CSTA: variants seen among roughly 807,000 people sequenced by gnomAD.
CSTA encodes cystatin-A.
A neutral mutation model predicts 9.2 loss-of-function variants in CSTA; 9 were observed. The observed-to-expected ratio is 0.97, with a 90% CI of 0.59 to 1.70. The LOEUF (loss-of-function observed/expected upper bound fraction) is 1.70, where lower values mean the gene tolerates loss of function less well. Ranked by LOEUF, CSTA falls within the 40% of genes most tolerant of loss-of-function variation. The pLI, the probability that CSTA is intolerant of heterozygous loss-of-function variation, is 0.00. For missense variants in CSTA, 118 were observed against 113.1 expected (o/e 1.04, Z -0.20); for synonymous variants, 36 against 40.6 (o/e 0.89, Z 0.43).
rs779750732 is a variant in CSTA, at chr3:122,325,275, A to G, written c.-18A>G. ...TTTGGTTCCAGCATCCTGTCCAGCAAAGAAGCAATCAGCCAAAATGATACC... is the reference window on the plus strand; with the variant it reads ...TTTGGTTCCAGCATCCTGTCCAGCAGAGAAGCAATCAGCCAAAATGATACC... On this transcript the variant is annotated 5_prime_UTR_variant, in exon 1 of 3. Transcript: ENST00000264474. 6.2e-7 allele frequency: 1 copy of G among 1,613,894 alleles called. No individual in the cohort carries two copies. Among genetic ancestry groups the G allele is most frequent in the Non-Finnish European group, 8.5e-7 (1 of 1,179,804 alleles).
chr3:122,328,754 A>T (rs2075184883), intron 1 of CSTA, among the ~76,000 whole-genome samples: 1 of 151,494 alleles, frequency 6.6e-6, no homozygotes, highest in South Asian at 2.1e-4. Flanking sequence ...TGGCCAACAT[A>T]GCTTTCTACT....
At chr3:122,329,073 C>G (rs1243390503) in intron 1 of CSTA, among the ~76,000 whole-genome samples, 1 of 151,480 alleles carries the variant, frequency 6.6e-6, no homozygotes, top group East Asian at 2.0e-4. Context: ...TCACGCCATT[C>G]TCCTGCCTCA....
chr3:122,329,132 AT>A, intron 1 of CSTA, among the ~76,000 whole-genome samples: 1 of 151,118 alleles, frequency 6.6e-6, no homozygotes, highest in Non-Finnish European at 1.5e-5. Context: ...TGCCTGGCTA[AT>A]TTTTTGTATT....
At chr3:122,339,779 G>T (rs991973415) in intron 2 of CSTA, among the ~76,000 whole-genome samples, 1 of 152,172 alleles carries the variant, frequency 6.6e-6, no homozygotes, top group Admixed American at 6.5e-5. Flanking sequence ...CACTTGAGCC[G>T]AGGAGTTTGA....
intron 1 of CSTA, among the ~76,000 whole-genome samples, chr3:122,332,246 A>G (rs1264940820): frequency 1.3e-5 from 2 of 151,992 alleles, no homozygotes; most frequent in East Asian, 1.9e-4. Flanking sequence ...CCTAGACTCT[A>G]TTCTCCTCTC....
At chr3:122,340,745 C>T (rs547882614) in intron 2 of CSTA, among the ~76,000 whole-genome samples, 3 of 152,286 alleles carry the variant, frequency 2.0e-5, no homozygotes, top group Admixed American at 1.3e-4. Flanking sequence ...TTTTCTTCTC[C>T]CTTATCAGAC....
chr3:122,337,815 G>A (rs2075244090), intron 2 of CSTA, 167 bp downstream of exon 2: 1 of 657,894 alleles, frequency 1.5e-6, no homozygotes, highest in Non-Finnish European at 2.8e-6. Context: ...TAGATGATGT[G>A]ACACCATTTT....
At chr3:122,333,171 C>T (rs972145659) in intron 1 of CSTA, among the ~76,000 whole-genome samples, 8 of 152,028 alleles carry the variant, frequency 5.3e-5, no homozygotes, top group Non-Finnish European at 5.9e-5. Context: ...TACACAGATA[C>T]GATGGAAAAG....
At chr3:122,340,373 C>T (rs181438044) in intron 2 of CSTA, among the ~76,000 whole-genome samples, 222 of 152,160 alleles carry the variant, frequency 1.5e-3, no homozygotes, top group Non-Finnish European at 2.5e-3. Flanking sequence ...GGCACAATCT[C>T]GGCTCTCTGC....
intron 2 of CSTA, among the ~76,000 whole-genome samples, chr3:122,340,300 C>G (rs1337320754): frequency 1.3e-5 from 2 of 149,468 alleles, no homozygotes; most frequent in Non-Finnish European, 3.0e-5. Context: ...AACCCCTTAG[C>G]TTTTTTTTTT....
At chr3:122,330,502 A>G (rs2075198096) in intron 1 of CSTA, among the ~76,000 whole-genome samples, 1 of 152,250 alleles carries the variant, frequency 6.6e-6, no homozygotes, top group Non-Finnish European at 1.5e-5. Flanking sequence ...AAAGAAAGGC[A>G]AACAAGGGAT....
intron 1 of CSTA, among the ~76,000 whole-genome samples, chr3:122,336,114 G>C (rs528599734): frequency 1.0e-3 from 153 of 152,188 alleles, no homozygotes; most frequent in Non-Finnish European, 1.7e-3. Context: ...ATATTATTTT[G>C]TAGCCCTTTC....
chr3:122,334,318 T>C (rs1275178023), intron 1 of CSTA, among the ~76,000 whole-genome samples: 1 of 152,162 alleles, frequency 6.6e-6, no homozygotes, highest in Non-Finnish European at 1.5e-5. Context: ...TATGTCTACA[T>C]CTTTGAAAAC....
In CSTA at chr3:122,325,305, G is replaced by T. The variant is rs775900491; in HGVS notation, c.13G>T (p.Gly5Cys). MIPG[G>C]LSEAKPATPE... ...GCAATCAGCCAAAATGATACCTGGA[G>T]GCTTATCTGAGGCCAAACCCGCCAC... Residue 5 changes from glycine to cysteine, a missense_variant, in exon 1 of 3, where the codon GGC (glycine) becomes TGC (cysteine). Coordinates refer to ENST00000264474, the MANE Select transcript of CSTA (RefSeq NM_005213.4). 3 of 1,613,840 alleles carry T rather than the reference G, an allele frequency of 1.9e-6. No homozygotes were observed. In the African/African-American group the frequency reaches 4.0e-5, roughly 22 times the overall value.
rs1055517580 is a variant in CSTA at position 122,335,179 on chromosome 3, C to T, written c.67-2368C>T. Among the ~76,000 whole-genome samples, 9 of 152,132 alleles carry T rather than the reference C, an allele frequency of 5.9e-5. No individual in the cohort carries two copies. The East Asian group carries it at 9.6e-4, about 16-fold the overall frequency. ...ACTGTCTCCCTTCTCATGCTGGGTT[C>T]GGGAATGCTGACATTTAAACCCAAC... On this transcript the variant is annotated intron_variant, in intron 1 of 2. Transcript: ENST00000264474.
At chr3:122,326,774 G>A (rs1339744393) in intron 1 of CSTA, among the ~76,000 whole-genome samples, 1 of 152,206 alleles carries the variant, frequency 6.6e-6, no homozygotes, top group Non-Finnish European at 1.5e-5. Context: ...TGAATCACCT[G>A]CACGTCTTGA....
intron 1 of CSTA, among the ~76,000 whole-genome samples, chr3:122,331,967 G>A (rs571984844): frequency 6.6e-6 from 1 of 152,144 alleles, no homozygotes; most frequent in Non-Finnish European, 1.5e-5. Context: ...TAAGGAGCAC[G>A]CAACCTTGAT....
intron 1 of CSTA, among the ~76,000 whole-genome samples, chr3:122,334,550 G>C (rs1446377837): frequency 1.3e-5 from 2 of 152,138 alleles, no homozygotes; most frequent in Non-Finnish European, 2.9e-5. Context: ...ATCCTAGATG[G>C]ACTGGAGGCC....
At chr3:122,340,485 G>A (rs773604457) in intron 2 of CSTA, among the ~76,000 whole-genome samples, 4 of 152,084 alleles carry the variant, frequency 2.6e-5, no homozygotes, top group African/African-American at 4.8e-5. Flanking sequence ...TGTATTTTTA[G>A]TAGAGACCAG....
Sources: allele counts gnomAD v4.1 joint callset (sites outside exome capture counted in the v4.1 genomes callset), GRCh38; gene constraint gnomAD v4.1.1; transcripts MANE v1.5; gene names NCBI Gene and HGNC (gene_info 2026-07-23, HGNC 2026-07-21).